Variants in SEMA4D observed in about 807,000 individuals in gnomAD.
SEMA4D encodes the protein semaphorin 4D.
SEMA4D carries 22 observed loss-of-function variants against 74.8 expected under a neutral mutation model. The ratio of observed to expected loss-of-function variants is 0.29; its 90% CI spans 0.21 to 0.42. The LOEUF is 0.42. Among genes scored for constraint, SEMA4D ranks in the 10% least tolerant of loss-of-function variants. SEMA4D has a pLI of 1.00. For synonymous variants in SEMA4D, 445 were observed against 463.7 expected, an observed-to-expected ratio of 0.96 and a Z score of 0.52; for missense variants, 937 against 1,118.4, an observed-to-expected ratio of 0.84 and a Z score of 2.31.
intron 1 of SEMA4D, chr9:89,472,100 C>T (rs183984400): frequency 1.7e-5 from 3 of 172,768 alleles, no homozygotes; most frequent in Admixed American, 1.3e-4. Context: ...AAATGTGAAA[C>T]AGAGGTCCTG....
At chr9:89,407,120 C>T (rs113629044) in intron 2 of SEMA4D, among the ~76,000 whole-genome samples, 1,956 of 152,310 alleles carry the variant, frequency 0.013, 41 homozygotes, top group African/African-American at 0.044. Context: ...CTTCCTGCCC[C>T]AGCATCCATG....
chr9:89,382,254 G>A (rs1837280937), intron 13 of SEMA4D, among the ~76,000 whole-genome samples: 1 of 152,246 alleles, frequency 6.6e-6, no homozygotes, highest in Non-Finnish European at 1.5e-5. Flanking sequence ...CCTGGAGGTG[G>A]CCCGTGGAGC....
chr9:89,446,074 C>G (rs55893479), intron 2 of SEMA4D, among the ~76,000 whole-genome samples: 32,448 of 152,064 alleles, frequency 0.21, 3,680 homozygotes, highest in Non-Finnish European at 0.25. Flanking sequence ...TACCGATTCT[C>G]ATGTCAACCT....
At chr9:89,485,741 T>C (rs1264879969) in intron 1 of SEMA4D, among the ~76,000 whole-genome samples, 2 of 130,662 alleles carry the variant, frequency 1.5e-5, no homozygotes, top group African/African-American at 2.9e-5. Context: ...TGAGCCAAGA[T>C]TGCACCATTG....
chr9:89,370,124 GTGTGTTGGTA>G (rs1330651412), intron 16 of SEMA4D, among the ~76,000 whole-genome samples: 1 of 151,854 alleles, frequency 6.6e-6, no homozygotes, highest in Non-Finnish European at 1.5e-5. Context: ...TGTGTGTGGT[GTGTGTTGGTA>G]TGTGTGCACA....
At chr9:89,376,715 G>A, downstream of SEMA4D, 3 of 1,393,332 alleles carry the variant, frequency 2.2e-6, no homozygotes, top group Non-Finnish European at 2.9e-6. Flanking sequence ...ACGCAGCCAG[G>A]ACAGATAAGG....
intron 2 of SEMA4D, among the ~76,000 whole-genome samples, chr9:89,416,462 C>G (rs1362645946): frequency 6.6e-6 from 1 of 152,168 alleles, no homozygotes; most frequent in Non-Finnish European, 1.5e-5. Context: ...AGAGCAACAA[C>G]ACGCGAGGCG....
At chr9:89,450,216 G>A in intron 2 of SEMA4D, 3 of 1,241,350 alleles carry the variant, frequency 2.4e-6, no homozygotes, top group Non-Finnish European at 3.6e-6. Context: ...TGAATTTGAG[G>A]TACATGAAGT....
intron 2 of SEMA4D, among the ~76,000 whole-genome samples, chr9:89,423,887 C>G (rs1039458011): frequency 1.3e-5 from 2 of 149,662 alleles, no homozygotes; most frequent in African/African-American, 4.9e-5. Context: ...CAGCTATTCC[C>G]TCAGCACCTC....
At chr9:89,365,465 C>T (rs918676586) in intron 16 of SEMA4D, 2 of 152,350 alleles carry the variant, frequency 1.3e-5, no homozygotes, top group Non-Finnish European at 2.9e-5. Context: ...CCAAATGGGC[C>T]ATGGGCCACC....
chr9:89,425,928 C>T (rs1490824240), intron 2 of SEMA4D, among the ~76,000 whole-genome samples: 2 of 152,182 alleles, frequency 1.3e-5, no homozygotes, highest in African/African-American at 4.8e-5. Context: ...AGAGACAGGC[C>T]CTTCAGAAAC....
intron 16 of SEMA4D, among the ~76,000 whole-genome samples, chr9:89,371,018 T>G (rs1259202716): frequency 5.6e-5 from 5 of 89,910 alleles, no homozygotes; most frequent in South Asian, 4.6e-4. Flanking sequence ...GTGGGGTGTG[T>G]GGTATCTGGG....
At chr9:89,473,878 A>C (rs933010740) in intron 1 of SEMA4D, among the ~76,000 whole-genome samples, 4 of 152,048 alleles carry the variant, frequency 2.6e-5, no homozygotes, top group African/African-American at 4.8e-5. Flanking sequence ...AACAAACAAA[A>C]AAACAAAAAG....
chr9:89,485,087 A>G (rs1588188412), intron 1 of SEMA4D, among the ~76,000 whole-genome samples: 1 of 152,096 alleles, frequency 6.6e-6, no homozygotes, highest in East Asian at 1.9e-4. Context: ...GTTGCAGAAA[A>G]TCAGAGAAAT....
At chr9:89,477,493 G>C (rs1862065552) in intron 1 of SEMA4D, among the ~76,000 whole-genome samples, 1 of 152,138 alleles carries the variant, frequency 6.6e-6, no homozygotes. Context: ...AGGCCCCAGG[G>C]ACACACAGCA....
Position 89,442,368 on chromosome 9 carries a change from A to G in SEMA4D, c.-244+13520T>C, listed in dbSNP as rs186467569. ...CTCTTTCCAAGCTTGCCAGGCTCCA[A>G]GAGTCCTCTGTTAAACATGGCAGCT... On this transcript the variant is annotated intron_variant, in intron 2 of 15. Coordinates refer to ENST00000422704, the MANE Select transcript of SEMA4D (RefSeq NM_001371194.2). 2.0e-4 allele frequency among the ~76,000 whole-genome samples: 31 copies of G among 152,354 alleles called. No individual in the cohort carries two copies. The East Asian group carries it at 4.6e-3, about 23-fold the overall frequency.
At chr9:89,440,324 C>T (rs1160844517) in intron 2 of SEMA4D, among the ~76,000 whole-genome samples, 1 of 152,178 alleles carries the variant, frequency 6.6e-6, no homozygotes, top group Non-Finnish European at 1.5e-5. Flanking sequence ...CTTTCACCCA[C>T]CCCCATGGTA....
intron 2 of SEMA4D, among the ~76,000 whole-genome samples, chr9:89,420,303 C>T (rs368421881): frequency 6.6e-6 from 1 of 152,238 alleles, no homozygotes; most frequent in Non-Finnish European, 1.5e-5. Context: ...TGCAACCCCA[C>T]AGTTATGAGT....
chr9:89,362,822 G>C (rs893849062), intron 18 of SEMA4D, among the ~76,000 whole-genome samples: 1 of 144,138 alleles, frequency 6.9e-6, no homozygotes, highest in African/African-American at 2.5e-5. Flanking sequence ...CACCGCAGGT[G>C]GTAGCACACA....
Sources: allele counts gnomAD v4.1 joint callset (sites outside exome capture counted in the v4.1 genomes callset), GRCh38; gene constraint gnomAD v4.1.1; transcripts MANE v1.5; gene names NCBI Gene and HGNC (gene_info 2026-07-23, HGNC 2026-07-21).